HDAC4: variants seen among roughly 807,000 people sequenced by gnomAD.
HDAC4 encodes histone deacetylase A.
Under a neutral mutation model 135.1 loss-of-function variants are expected in HDAC4, and 16 were observed. The observed-to-expected ratio is 0.12, with a 90% CI of 0.08 to 0.18. HDAC4 has a LOEUF of 0.18. Among genes scored for constraint, HDAC4 ranks in the 10% least tolerant of loss-of-function variants. The pLI is 1.00. For missense variants in HDAC4, 1,143 were observed against 1,511.8 expected, an observed-to-expected ratio of 0.76 and a Z score of 4.05; for synonymous variants, 685 against 653.4, an observed-to-expected ratio of 1.05 and a Z score of -0.74.
chr2:239,082,036 C>T (rs1003763767), intron 21 of HDAC4, 66 bp downstream of exon 21: 44 of 1,569,216 alleles, frequency 2.8e-5, no homozygotes, highest in African/African-American at 2.2e-4. Flanking sequence ...CCGTCTGCCC[C>T]GTGCCCCCAC....
intron 16 of HDAC4, among the ~76,000 whole-genome samples, chr2:239,101,984 A>G (rs55990855): frequency 1.5e-4 from 15 of 98,224 alleles, no homozygotes; most frequent in South Asian, 7.2e-4. Flanking sequence ...GGGAGCCCCC[A>G]GCCCTGGGTC....
chr2:239,247,310 C>T (rs1302363435), intron 2 of HDAC4, among the ~76,000 whole-genome samples: 1 of 152,242 alleles, frequency 6.6e-6, no homozygotes, highest in Non-Finnish European at 1.5e-5. Flanking sequence ...CAATTCCTAC[C>T]CGCATCTACC....
In HDAC4 at chr2:239,149,698, C is replaced by T. The variant is rs1180079330; in HGVS notation, c.734-4984G>A. 3.9e-5 allele frequency among the ~76,000 whole-genome samples: 6 copies of T among 152,202 alleles called. No homozygotes were observed. The East Asian group carries it at 5.8e-4, about 15-fold the overall frequency. On this transcript the variant is annotated intron_variant, in intron 7 of 26. Coordinates refer to ENST00000543185, the MANE Select transcript of HDAC4 (RefSeq NM_001378414.1). ...ACCAGCCACCCTCGACTTTGAAGCA[C>T]GTTGCTCACGTGCTCCTGGGGAGGG...
chr2:239,380,177 T>C (rs1272929342), intron 1 of HDAC4, among the ~76,000 whole-genome samples: 1 of 152,134 alleles, frequency 6.6e-6, no homozygotes, highest in East Asian at 1.9e-4. Context: ...GTTCTGGAGA[T>C]CTGGACCAGA....
At chr2:239,075,715 C>A (rs549174348) in intron 22 of HDAC4, among the ~76,000 whole-genome samples, 1 of 152,364 alleles carries the variant, frequency 6.6e-6, no homozygotes, top group East Asian at 1.9e-4. Flanking sequence ...CTGGCACCTT[C>A]GTTACCGACA....
intron 2 of HDAC4, among the ~76,000 whole-genome samples, chr2:239,271,924 C>A (rs1389044608): frequency 6.6e-6 from 1 of 152,230 alleles, no homozygotes; most frequent in Non-Finnish European, 1.5e-5. Flanking sequence ...AAGACCAATA[C>A]AAGTCTCAGC....
intron 14 of HDAC4, among the ~76,000 whole-genome samples, chr2:239,110,589 T>C (rs1312233968): frequency 6.6e-6 from 1 of 152,356 alleles, no homozygotes; most frequent in East Asian, 1.9e-4. Flanking sequence ...TGAATATGAA[T>C]AGCATCCTTC....
At position 239,156,720 on chromosome 2, in the gene HDAC4, G is replaced by A. The variant is rs1331288219; in HGVS notation, c.665C>T (p.Ser222Leu). ...CAGGACCGGGTGGTTATAGGAGGTC[G>A]ACACTCCGCTCTGGGGTGGAGAACT... is the stretch of plus-strand genomic sequence containing the variant. ...DQSSPPQSGV[S>L]TSYNHPVLGM... The change falls in exon 7 of 27, where the codon TCG becomes TTG. Residue 222 changes from serine to leucine, a missense_variant. Ser to Leu is a moderately radical substitution (Grantham distance 145). Coordinates refer to ENST00000543185, the MANE Select transcript of HDAC4 (RefSeq NM_001378414.1). 7 of 1,613,960 alleles carry A rather than the reference G, an allele frequency of 4.3e-6. No homozygotes were observed. The highest frequency in any genetic ancestry group is 2.7e-5 in the African/African-American group (2 of 74,908).
chr2:239,204,360 G>T (rs185822988), intron 3 of HDAC4, among the ~76,000 whole-genome samples: 2 of 152,224 alleles, frequency 1.3e-5, no homozygotes, highest in African/African-American at 4.8e-5. Flanking sequence ...ATTAGAAAAG[G>T]CACCCTGAAT....
At chr2:239,196,358 G>T (rs1175152561) in intron 3 of HDAC4, among the ~76,000 whole-genome samples, 1 of 152,106 alleles carries the variant, frequency 6.6e-6, no homozygotes. Flanking sequence ...CACCCTCTGC[G>T]TCCCTTCAAA....
chr2:239,261,735 G>C (rs1180155767), intron 2 of HDAC4, among the ~76,000 whole-genome samples: 1 of 152,180 alleles, frequency 6.6e-6, no homozygotes, highest in African/African-American at 2.4e-5. Context: ...CAGGCCCACG[G>C]GGAGGAAGGG....
chr2:239,277,827 T>C (rs2050462007), intron 2 of HDAC4, among the ~76,000 whole-genome samples: 1 of 152,144 alleles, frequency 6.6e-6, no homozygotes, highest in South Asian at 2.1e-4. Context: ...CAGTTCCTAC[T>C]ACTCAGGTTC....
chr2:239,305,776 A>C (rs948662072), intron 2 of HDAC4, among the ~76,000 whole-genome samples: 1 of 152,212 alleles, frequency 6.6e-6, no homozygotes, highest in Non-Finnish European at 1.5e-5. Flanking sequence ...GAGTTGAAAT[A>C]CATTTATTTA....
Position 239,066,793 on chromosome 2 carries a change from C to T in HDAC4, c.2932G>A (p.Glu978Lys). ...LAGGRIVLALEGGHDLTAICD... is the reference protein window; with the variant it reads ...LAGGRIVLALKGGHDLTAICD... Reference sequence around the variant, plus strand: ...ATGGCGGTCAGGTCGTGGCCTCCCTCGAGGGCCAGGACAATCCGGCCGCCA... The same window carrying T: ...ATGGCGGTCAGGTCGTGGCCTCCCTTGAGGGCCAGGACAATCCGGCCGCCA... Residue 978 changes from glutamate (E) to lysine (K), a missense_variant, in exon 24 of 27, where the codon GAG becomes AAG. Glu to Lys is a moderately conservative substitution (Grantham distance 56). This residue lies in a region of HDAC4 where 189 missense variants were observed against 317.6 expected (regional missense o/e 0.60). Transcript: ENST00000543185. 1.9e-6 allele frequency: 3 copies of T among 1,613,660 alleles called. No individual in the cohort carries two copies. The highest frequency in any genetic ancestry group is 1.7e-6 in the Non-Finnish European group (2 of 1,179,996).
At chr2:239,328,413 G>A (rs993164917) in intron 2 of HDAC4, among the ~76,000 whole-genome samples, 1 of 152,234 alleles carries the variant, frequency 6.6e-6, no homozygotes, top group Non-Finnish European at 1.5e-5. Context: ...ATTCTGTAAG[G>A]CATTCTGTCC....
chr2:239,163,751 T>C, intron 6 of HDAC4, 52 bp downstream of exon 6: 2 of 1,587,002 alleles, frequency 1.3e-6, no homozygotes, highest in Non-Finnish European at 1.7e-6. Flanking sequence ...GATCAGACAG[T>C]CCTCTGGGCC....
At chr2:239,066,901 C>A (rs780658346) in intron 23 of HDAC4, 46 bp from the exon 24 acceptor site, 3 of 1,592,216 alleles carry the variant, frequency 1.9e-6, no homozygotes, top group Admixed American at 3.6e-5. Context: ...GGGAGGACCG[C>A]AGCCAGCACA....
At chr2:239,160,236 C>G (rs1417952259) in intron 6 of HDAC4, among the ~76,000 whole-genome samples, 1 of 152,240 alleles carries the variant, frequency 6.6e-6, no homozygotes, top group Non-Finnish European at 1.5e-5. Context: ...ATCCTTTCAA[C>G]TTATAATCGA....
chr2:239,272,542 G>T (rs1203806117), intron 2 of HDAC4, among the ~76,000 whole-genome samples: 1 of 152,246 alleles, frequency 6.6e-6, no homozygotes, highest in Non-Finnish European at 1.5e-5. Context: ...AATGGCCCAT[G>T]AGCATGTGAA....
Sources: allele counts gnomAD v4.1 joint callset (sites outside exome capture counted in the v4.1 genomes callset), GRCh38; gene constraint gnomAD v4.1.1; regional missense constraint gnomAD v4.1.1; transcripts MANE v1.5; gene names NCBI Gene and HGNC (gene_info 2026-07-23, HGNC 2026-07-21).